CERS6: variants seen among roughly 807,000 people sequenced by gnomAD.
CERS6 encodes LAG1 homolog, ceramide synthase 6.
Under a neutral mutation model 56.8 loss-of-function variants are expected in CERS6, and 26 were observed. The observed-to-expected ratio is 0.46, with a 90% CI of 0.34 to 0.63. The LOEUF (loss-of-function observed/expected upper bound fraction) is 0.63, where lower values mean the gene tolerates loss of function less well. CERS6 is among the 30% of genes least tolerant of loss of function. The pLI is 0.01. For missense variants in CERS6, 415 were observed against 467.5 expected (o/e 0.89, Z 1.04); for synonymous variants, 164 against 173.3 (o/e 0.95, Z 0.42).
At chr2:168,532,204 A>C (rs1695181638) in intron 1 of CERS6, among the ~76,000 whole-genome samples, 1 of 152,090 alleles carries the variant, frequency 6.6e-6, no homozygotes, top group African/African-American at 2.4e-5. Context: ...ATCCTCCCCT[A>C]TCTCTGTCCC....
intron 8 of CERS6, among the ~76,000 whole-genome samples, chr2:168,755,064 C>T (rs1466953827): frequency 6.6e-6 from 1 of 152,186 alleles, no homozygotes; most frequent in Non-Finnish European, 1.5e-5. Flanking sequence ...GCCACCATGC[C>T]CAGCCCATGT....
chr2:168,743,609 C>T (rs1022598008), intron 8 of CERS6, among the ~76,000 whole-genome samples: 7 of 152,086 alleles, frequency 4.6e-5, no homozygotes, highest in Non-Finnish European at 1.0e-4. Context: ...TTTATATAAC[C>T]TTCTCTAGTG....
chr2:168,470,660 C>T (rs532190434), intron 1 of CERS6, among the ~76,000 whole-genome samples: 1 of 152,224 alleles, frequency 6.6e-6, no homozygotes, highest in South Asian at 2.1e-4. Context: ...TGTTAAGCTC[C>T]CACACTTAAA....
At chr2:168,735,548 T>A (rs1250831666) in intron 8 of CERS6, among the ~76,000 whole-genome samples, 1 of 152,012 alleles carries the variant, frequency 6.6e-6, no homozygotes, top group African/African-American at 2.4e-5. Flanking sequence ...GAGTATGAAG[T>A]GCTGGTGAGC....
intron 1 of CERS6, among the ~76,000 whole-genome samples, chr2:168,516,929 T>C (rs1303406075): frequency 1.3e-5 from 2 of 152,144 alleles, no homozygotes; most frequent in African/African-American, 2.4e-5. Flanking sequence ...TGTCCAAATA[T>C]AGGGCTTTGT....
At chr2:168,609,585 G>A (rs576209813) in intron 3 of CERS6, among the ~76,000 whole-genome samples, 1 of 152,280 alleles carries the variant, frequency 6.6e-6, no homozygotes, top group Non-Finnish European at 1.5e-5. Context: ...CCACTGCCAT[G>A]GAGTGGGGAC....
intron 3 of CERS6, among the ~76,000 whole-genome samples, chr2:168,620,762 T>G (rs1360928234): frequency 3.4e-5 from 2 of 59,116 alleles, no homozygotes; most frequent in Non-Finnish European, 6.7e-5. Flanking sequence ...AAATTCACCT[T>G]TTTTTTTTTT....
At chr2:168,719,256 G>T (rs559730328) in intron 8 of CERS6, among the ~76,000 whole-genome samples, 1 of 152,172 alleles carries the variant, frequency 6.6e-6, no homozygotes, top group Non-Finnish European at 1.5e-5. Context: ...GGTATGGGGT[G>T]GGGGAGGCCA....
chr2:168,525,949 G>A (rs561372638), intron 1 of CERS6, among the ~76,000 whole-genome samples: 1 of 152,034 alleles, frequency 6.6e-6, no homozygotes, highest in Non-Finnish European at 1.5e-5. Context: ...TGCACATTTG[G>A]TTATTTCTCA....
chr2:168,621,624 G>A (rs796162605), intron 3 of CERS6, among the ~76,000 whole-genome samples: 21 of 152,258 alleles, frequency 1.4e-4, no homozygotes, highest in African/African-American at 5.1e-4. Context: ...GATACCATTG[G>A]TGCTGAATTC....
intron 1 of CERS6, among the ~76,000 whole-genome samples, chr2:168,528,739 C>T (rs1212269429): frequency 1.3e-5 from 2 of 152,144 alleles, no homozygotes; most frequent in Non-Finnish European, 2.9e-5. Flanking sequence ...CAGGAGAAAG[C>T]AGCCAAATGA....
At chr2:168,748,739 G>A (rs1479020164) in intron 8 of CERS6, among the ~76,000 whole-genome samples, 3 of 151,118 alleles carry the variant, frequency 2.0e-5, no homozygotes, top group Non-Finnish European at 4.4e-5. Flanking sequence ...TCTGAGTTTT[G>A]CACAGGGACT....
At chr2:168,545,986 T>C (rs1430796598) in intron 1 of CERS6, among the ~76,000 whole-genome samples, 1 of 152,158 alleles carries the variant, frequency 6.6e-6, no homozygotes, top group Non-Finnish European at 1.5e-5. Context: ...CAAATGCATT[T>C]TGTGGTCTTA....
chr2:168,501,794 A>G (rs1008588354), intron 1 of CERS6, among the ~76,000 whole-genome samples: 2 of 152,214 alleles, frequency 1.3e-5, no homozygotes, highest in South Asian at 2.1e-4. Context: ...AACTCTTTCC[A>G]GTACCTGGCT....
chr2:168,521,859 G>C (rs1694988438), intron 1 of CERS6, among the ~76,000 whole-genome samples: 1 of 152,214 alleles, frequency 6.6e-6, no homozygotes, highest in South Asian at 2.1e-4. Flanking sequence ...GCCCTAAGGG[G>C]CTTCACTGAG....
intron 8 of CERS6, among the ~76,000 whole-genome samples, chr2:168,756,138 A>G (rs995533078): frequency 6.6e-6 from 1 of 152,128 alleles, no homozygotes; most frequent in Non-Finnish European, 1.5e-5. Flanking sequence ...GAGGTTTCAG[A>G]GCCATTTCTG....
At chr2:168,659,753 G>A (rs1447794075) in intron 4 of CERS6, among the ~76,000 whole-genome samples, 1 of 151,850 alleles carries the variant, frequency 6.6e-6, no homozygotes, top group African/African-American at 2.4e-5. Context: ...TGGTGGCTTG[G>A]CTTGGTCATT....
chr2:168,621,277 T>C (rs1684464341), intron 3 of CERS6, among the ~76,000 whole-genome samples: 1 of 152,180 alleles, frequency 6.6e-6, no homozygotes, highest in Admixed American at 6.5e-5. Flanking sequence ...CCTTTGCCAG[T>C]GCATGTTCCG....
At chr2:168,516,434 G>A (rs1694885723) in intron 1 of CERS6, among the ~76,000 whole-genome samples, 1 of 152,090 alleles carries the variant, frequency 6.6e-6, no homozygotes, top group South Asian at 2.1e-4. Context: ...TTTTTTGAGT[G>A]TATAGCGATT....
Sources: gnomAD v4.1 joint callset for allele counts (sites outside exome capture counted in the v4.1 genomes callset) on GRCh38, gnomAD v4.1.1 for gene constraint, MANE v1.5 for transcripts, NCBI Gene and HGNC (gene_info 2026-07-23, HGNC 2026-07-21) for gene names.